Variants in IL4I1 observed in about 807,000 individuals in gnomAD.
The protein encoded by IL4I1 is interleukin 4 induced 1.
In IL4I1, 24 loss-of-function variants were observed where a neutral mutation model predicts 29.7. The ratio of observed to expected loss-of-function variants is 0.81; its 90% CI spans 0.59 to 1.14. IL4I1 has a LOEUF of 1.14. Ranked by LOEUF, IL4I1 falls within the 50% of genes most tolerant of loss-of-function variation. IL4I1 has a pLI of 0.00. For missense variants in IL4I1, 686 were observed against 785.6 expected (o/e 0.87, Z 1.52); for synonymous variants, 371 against 352.5 (o/e 1.05, Z -0.59).
intron 7 of IL4I1, 43 bp downstream of exon 7, chr19:49,890,928 T>TGGGGGGGGGGGGGG: frequency 1.1e-5 from 7 of 633,174 alleles, no homozygotes; most frequent in Non-Finnish European, 4.9e-6. Flanking sequence ...TTTCCCTGAT[T>TGGGGGGGGGGGGGG]GCCCCCCGCC....
In IL4I1 at chr19:49,922,932, TAG is replaced by T. The variant is rs1348323056; in HGVS notation, c.-228+4760_-228+4761del. On this transcript the variant is annotated intron_variant, in intron 2 of 9. Transcript: ENST00000341114. ...CCTGCCCCTCCACACTGCCCCAAGGTAGTTCTATGATTGTGCCCATTTTACTG... is the reference window on the plus strand; with the variant it reads ...CCTGCCCCTCCACACTGCCCCAAGGTTTCTATGATTGTGCCCATTTTACTG... Among the ~76,000 whole-genome samples, 6 of 151,956 alleles carry T rather than the reference TAG, an allele frequency of 3.9e-5. No individual in the cohort carries two copies. The East Asian group carries it at 7.7e-4, about 20-fold the overall frequency.
chr19:49,926,208 C>CAAAA lies in IL4I1; in HGVS notation c.-228+1482_-228+1485dup, dbSNP rs33981121. On this transcript the variant is annotated intron_variant, in intron 2 of 9. Transcript: ENST00000341114. ...TGGGCAACAGAGCGAGACTCTGTCT[C>CAAAA]AAAAAAAAAAAAAAAAAAAAAAGCT... Among the ~76,000 whole-genome samples, 67 of 42,428 alleles carry CAAAA rather than the reference C, an allele frequency of 1.6e-3. 1 individual carries two copies. Among genetic ancestry groups the CAAAA allele is most frequent in the African/African-American group, 4.3e-3 (43 of 9,892 alleles). 27.8% of individuals were successfully genotyped at this position (42,428 alleles called of 152,430 possible).
chr19:49,898,404 C>T (rs1290753), upstream of IL4I1, among the ~76,000 whole-genome samples: 17,920 of 152,024 alleles, frequency 0.12, 1,322 homozygotes, highest in South Asian at 0.2. Flanking sequence ...TTTGGGAGGC[C>T]GAGGTGGGAG....
chr19:49,922,110 G>A (rs2075779361), intron 2 of IL4I1, among the ~76,000 whole-genome samples: 1 of 152,196 alleles, frequency 6.6e-6, no homozygotes, highest in South Asian at 2.1e-4. Flanking sequence ...AGAGCTGCTG[G>A]CTGTTTCTCA....
chr19:49,894,610 T>A, intron 4 of IL4I1, 141 bp from the exon 5 acceptor site: 1 of 656,024 alleles, frequency 1.5e-6, no homozygotes, highest in Non-Finnish European at 2.7e-6. Context: ...TTTGGGGTAA[T>A]CAATGCTGGG....
chr19:49,909,960 G>T, intron 2 of IL4I1: 1 of 774,698 alleles, frequency 1.3e-6, no homozygotes. Context: ...GGCACAGTCG[G>T]TTTGGAGGGT....
At chr19:49,909,739 C>T (rs767316682) in intron 2 of IL4I1, 12 of 1,613,970 alleles carry the variant, frequency 7.4e-6, no homozygotes, top group Middle Eastern at 1.6e-4. Context: ...TGGTTGTTGC[C>T]GTCTTTGCAG....
At chr19:49,907,016 T>C (rs62126289) in intron 2 of IL4I1, 2,916 of 153,812 alleles carry the variant, frequency 0.019, 43 homozygotes, top group Non-Finnish European at 0.025. Flanking sequence ...GAGCCAAGTC[T>C]ACGGCCACCA....
upstream of IL4I1, among the ~76,000 whole-genome samples, chr19:49,899,293 C>T (rs1246470349): frequency 1.3e-5 from 2 of 152,226 alleles, no homozygotes; most frequent in African/African-American, 2.4e-5. Context: ...GGCCCTGCAC[C>T]AATCCCCTTG....
intron 2 of IL4I1, chr19:49,909,954 C>T: frequency 3.7e-6 from 3 of 816,804 alleles, no homozygotes; most frequent in South Asian, 2.9e-5. Flanking sequence ...TGACTGGGCA[C>T]AGTCGGTTTG....
At chr19:49,920,741 C>A (rs1463572991) in intron 2 of IL4I1, among the ~76,000 whole-genome samples, 2 of 152,220 alleles carry the variant, frequency 1.3e-5, no homozygotes, top group African/African-American at 4.8e-5. Context: ...CTGAAACGCT[C>A]TGGTTGGCGG....
chr19:49,897,436 C>T (rs192789471), upstream of IL4I1, among the ~76,000 whole-genome samples: 5 of 151,738 alleles, frequency 3.3e-5, no homozygotes, highest in South Asian at 2.1e-4. Context: ...GCTCTGAGCC[C>T]GCCCTCCCCT....
At position 49,924,116 on chromosome 19, in the gene IL4I1, G is replaced by A. The variant is rs187986428; in HGVS notation, c.-228+3578C>T. ...AGCAGCAGGCCTGAGGTGAGGGTCA[G>A]GGCTTGGAGACCTCCCAGAGACTAC... On this transcript the variant is annotated intron_variant, in intron 2 of 9. Coordinates refer to the IL4I1 transcript ENST00000341114. Among the ~76,000 whole-genome samples the A allele has an allele frequency of 5.4e-4, 81 of 151,284 alleles. 1 individual carries two copies. In the East Asian group the frequency reaches 0.015, roughly 28 times the overall value.
chr19:49,911,866 G>A (rs543165107), intron 2 of IL4I1, among the ~76,000 whole-genome samples: 11 of 152,316 alleles, frequency 7.2e-5, no homozygotes, highest in South Asian at 6.2e-4. Flanking sequence ...AAGTGCCTGA[G>A]CCCCCAGGAC....
upstream of IL4I1, chr19:49,901,702 A>G: frequency 6.5e-7 from 1 of 1,534,748 alleles, no homozygotes; most frequent in Non-Finnish European, 8.8e-7. Context: ...CCAGGACAGA[A>G]GTCATCGTTG....
intron 2 of IL4I1, among the ~76,000 whole-genome samples, chr19:49,904,550 C>T (rs2075298744): frequency 6.6e-6 from 1 of 151,910 alleles, no homozygotes; most frequent in Non-Finnish European, 1.5e-5. Flanking sequence ...AAATGCAGAA[C>T]TTAAAATTTT....
At position 49,921,946 on chromosome 19, in the gene IL4I1, C is replaced by T. The variant is rs1008258273; in HGVS notation, c.-228+5748G>A. On this transcript the variant is annotated intron_variant, in intron 2 of 9. Transcript: ENST00000341114. The surrounding 1 kb of genome is among the most constrained non-coding windows in gnomAD (Gnocchi z 5.4). ...CTTGGCAGGATGAGTGCATTTGCTGCGAGAAAGCAGCCCCGACGGCAGGGC... is the reference window on the plus strand; with the variant it reads ...CTTGGCAGGATGAGTGCATTTGCTGTGAGAAAGCAGCCCCGACGGCAGGGC... Among the ~76,000 whole-genome samples, 1 of 152,182 alleles carries T rather than the reference C, an allele frequency of 6.6e-6. No individual in the cohort carries two copies. Among genetic ancestry groups the T allele is most frequent in the Admixed American group, 6.5e-5 (1 of 15,284 alleles).
chr19:49,925,123 T>C (rs2075855487), intron 2 of IL4I1, among the ~76,000 whole-genome samples: 1 of 151,810 alleles, frequency 6.6e-6, no homozygotes, highest in African/African-American at 2.4e-5. Flanking sequence ...TAGCCATGTG[T>C]GGTGACACAT....
At chr19:49,912,467 C>A (rs1206993813) in intron 2 of IL4I1, among the ~76,000 whole-genome samples, 1 of 152,172 alleles carries the variant, frequency 6.6e-6, no homozygotes, top group Non-Finnish European at 1.5e-5. Context: ...CTGCGCCCGG[C>A]CAACAGTTCA....
Sources: gnomAD v4.1 joint callset for allele counts (sites outside exome capture counted in the v4.1 genomes callset) on GRCh38, gnomAD v4.1.1 for gene constraint, Gnocchi (gnomAD v3.1) non-coding constraint, MANE v1.5 for transcripts, NCBI Gene and HGNC (gene_info 2026-07-23, HGNC 2026-07-21) for gene names.